The following VPS13B variants were observed in gnomAD, a reference collection of about 807,000 sequenced individuals.
The protein encoded by VPS13B is vacuolar protein sorting 13 homolog B, also known as intermembrane lipid transfer protein VPS13B.
VPS13B carries 285 observed loss-of-function variants against 426.4 expected under a neutral mutation model. That is an observed-to-expected ratio of 0.67 (90% confidence interval 0.61 to 0.74). VPS13B has a LOEUF of 0.74. VPS13B is among the 30% of genes least tolerant of loss of function. VPS13B has a pLI of 0.00. For synonymous variants in VPS13B, 1,676 were observed against 1,676.4 expected, an observed-to-expected ratio of 1.00 and a Z score of 0.01; for missense variants, 4,537 against 4,782.6, an observed-to-expected ratio of 0.95 and a Z score of 1.51.
intron 30 of VPS13B, among the ~76,000 whole-genome samples, chr8:99,555,793 C>T (rs941894085): frequency 6.6e-6 from 1 of 152,082 alleles, no homozygotes; most frequent in Non-Finnish European, 1.5e-5. Context: ...ATAGGATCAA[C>T]GTTGTATGTT....
chr8:99,422,167 C>T (rs1459623410), intron 21 of VPS13B, among the ~76,000 whole-genome samples: 1 of 152,142 alleles, frequency 6.6e-6, no homozygotes, highest in African/African-American at 2.4e-5. Context: ...TGACTATCAT[C>T]ATTTAGAAAT....
Position 99,501,878 on chromosome 8 carries a change from T to C in VPS13B, c.4042+20T>C, listed in dbSNP as rs775691632. 2 of 1,607,664 alleles carry C rather than the reference T, an allele frequency of 1.2e-6. No homozygotes were observed. Among genetic ancestry groups the C allele is most frequent in the African/African-American group, 2.8e-5 (2 of 72,278 alleles). On this transcript the variant is annotated intron_variant, in intron 26 of 61. Transcript: ENST00000357162. Reference sequence around the variant, plus strand: ...GCACAGGTACAGGATTCCTTTTCTTTCTTCCCTCCCTCCCTCTGTCCCTCC... The same window carrying C: ...GCACAGGTACAGGATTCCTTTTCTTCCTTCCCTCCCTCCCTCTGTCCCTCC...
At chr8:99,753,067 T>G (rs1810478834) in intron 39 of VPS13B, among the ~76,000 whole-genome samples, 1 of 152,214 alleles carries the variant, frequency 6.6e-6, no homozygotes, top group Non-Finnish European at 1.5e-5. Context: ...GAACTTTATT[T>G]TCTTGATCTG....
chr8:99,445,170 G>C (rs1181073877), intron 23 of VPS13B, among the ~76,000 whole-genome samples: 1 of 150,474 alleles, frequency 6.6e-6, no homozygotes, highest in East Asian at 1.9e-4. Flanking sequence ...CTTCCTTGAT[G>C]GCTTTCTTTG....
intron 5 of VPS13B, among the ~76,000 whole-genome samples, chr8:99,103,423 G>A (rs1000020030): frequency 8.0e-5 from 12 of 150,112 alleles, no homozygotes; most frequent in Non-Finnish European, 1.8e-4. Flanking sequence ...TCTGCCTCCC[G>A]GGCTCAAACA....
chr8:99,137,212 A>G (rs1313295411), intron 12 of VPS13B, among the ~76,000 whole-genome samples: 1 of 151,354 alleles, frequency 6.6e-6, no homozygotes, highest in East Asian at 1.9e-4. Context: ...ATTATTTTCT[A>G]TTTTTTGGAA....
At chr8:99,777,039 A>G in intron 41 of VPS13B, 83 bp downstream of exon 41, 2 of 1,480,516 alleles carry the variant, frequency 1.4e-6, no homozygotes, top group Non-Finnish European at 1.9e-6. Context: ...GAAGTCAACA[A>G]TCTTAGATAA....
At chr8:99,705,881 A>G (rs1588640696) in intron 36 of VPS13B, among the ~76,000 whole-genome samples, 1 of 152,250 alleles carries the variant, frequency 6.6e-6, no homozygotes, top group Non-Finnish European at 1.5e-5. Flanking sequence ...ATAAAAATAA[A>G]AATTATCTAA....
intron 35 of VPS13B, among the ~76,000 whole-genome samples, chr8:99,687,113 G>T (rs1390828331): frequency 6.6e-6 from 1 of 151,966 alleles, no homozygotes; most frequent in African/African-American, 2.4e-5. Context: ...TCTCATCAAG[G>T]CACGGTTCCC....
At chr8:99,632,316 A>G (rs1299769546) in intron 33 of VPS13B, among the ~76,000 whole-genome samples, 1 of 151,978 alleles carries the variant, frequency 6.6e-6, no homozygotes, top group Non-Finnish European at 1.5e-5. Flanking sequence ...TTTGAGAGGA[A>G]GAATGTCTTC....
chr8:99,577,760 T>A, intron 33 of VPS13B, 127 bp downstream of exon 33: 1 of 1,223,854 alleles, frequency 8.2e-7, no homozygotes. Context: ...ATTCAAAATA[T>A]AGTCATAAGT....
intron 43 of VPS13B, among the ~76,000 whole-genome samples, chr8:99,797,628 T>G (rs915768499): frequency 2.0e-5 from 3 of 152,126 alleles, no homozygotes; most frequent in Non-Finnish European, 4.4e-5. Context: ...ACCCCTCCCC[T>G]TTTCCCATTC....
intron 19 of VPS13B, among the ~76,000 whole-genome samples, chr8:99,310,955 C>T (rs1031598834): frequency 6.6e-6 from 1 of 152,130 alleles, no homozygotes; most frequent in African/African-American, 2.4e-5. Flanking sequence ...AATTTATTTG[C>T]GTAGAGGTGT....
chr8:99,835,527 T>C lies in VPS13B; in HGVS notation c.9743-12T>C, dbSNP rs1563499635. 1.2e-6 allele frequency: 2 copies of C among 1,613,922 alleles called. No individual in the cohort carries two copies. Among genetic ancestry groups the C allele is most frequent in the Non-Finnish European group, 1.7e-6 (2 of 1,179,864 alleles). On this transcript the variant is annotated splice_polypyrimidine_tract_variant and intron_variant, in intron 53 of 61. Transcript: ENST00000357162. ...AGGGCTAATTCTGCATATGCCTTTT[T>C]TAAAATTTCAGATATTCCAAAGTTT...
At chr8:99,139,385 A>C (rs1303730667) in intron 12 of VPS13B, among the ~76,000 whole-genome samples, 2 of 150,978 alleles carry the variant, frequency 1.3e-5, no homozygotes, top group Non-Finnish European at 3.0e-5. Flanking sequence ...TTTGAACCCA[A>C]CCTATCCAGC....
chr8:99,861,657 A>T, intron 57 of VPS13B, 119 bp from the exon 58 acceptor site: 1 of 1,330,332 alleles, frequency 7.5e-7, no homozygotes, highest in Non-Finnish European at 1.1e-6. Flanking sequence ...AGCCACCATC[A>T]CTTGCCACTG....
intron 2 of VPS13B, among the ~76,000 whole-genome samples, chr8:99,031,772 G>C (rs1842518336): frequency 6.6e-6 from 1 of 152,206 alleles, no homozygotes; most frequent in Non-Finnish European, 1.5e-5. Context: ...CTGGTCCTTA[G>C]TCCCTGAGAA....
intron 33 of VPS13B, among the ~76,000 whole-genome samples, chr8:99,634,837 T>C (rs973080141): frequency 1.3e-5 from 2 of 151,988 alleles, no homozygotes; most frequent in Non-Finnish European, 2.9e-5. Context: ...AAATTTCATC[T>C]AGCACATCAC....
chr8:99,061,250 C>G (rs1844168254), intron 3 of VPS13B, among the ~76,000 whole-genome samples: 1 of 149,048 alleles, frequency 6.7e-6, no homozygotes, highest in Non-Finnish European at 1.5e-5. Flanking sequence ...CTATAAAATG[C>G]AACAGTTCTC....
Sources: gnomAD v4.1 joint callset for allele counts (sites outside exome capture counted in the v4.1 genomes callset) on GRCh38, gnomAD v4.1.1 for gene constraint, MANE v1.5 for transcripts, NCBI Gene and HGNC (gene_info 2026-07-23, HGNC 2026-07-21) for gene names.